Variants in TMEM178B observed in about 807,000 individuals in gnomAD.
TMEM178B encodes transmembrane protein 178B.
In TMEM178B, 5 loss-of-function variants were observed where a neutral mutation model predicts 31.0. That is an observed-to-expected ratio of 0.16 (90% CI 0.08 to 0.34). TMEM178B has a LOEUF of 0.34. Ranked by LOEUF, TMEM178B falls within the 10% of genes least tolerant of loss-of-function variation. The probability of loss-of-function intolerance (pLI) is 1.00; values close to 1 mark genes in which losing one functional copy is unlikely to be tolerated. For synonymous variants in TMEM178B, 164 were observed against 164.0 expected (o/e 1.00, Z 0.00); for missense variants, 275 against 400.3 (o/e 0.69, Z 2.67).
chr7:141,137,428 G>T lies in TMEM178B; in HGVS notation c.382+62736G>T, dbSNP rs59390691. 2.8e-3 allele frequency among the ~76,000 whole-genome samples: 427 copies of T among 152,258 alleles called. 3 individuals are homozygous for T. The highest frequency in any genetic ancestry group is 9.4e-3 in the African/African-American group (392 of 41,578). On this transcript the variant is annotated intron_variant, in intron 1 of 3. Transcript: ENST00000565468. ...CATTTTCAGCAATGTGGATGGAACCGAAGGTCATTATGTTAAGCAAAATAA... is the reference window on the plus strand; with the variant it reads ...CATTTTCAGCAATGTGGATGGAACCTAAGGTCATTATGTTAAGCAAAATAA...
intron 3 of TMEM178B, among the ~76,000 whole-genome samples, chr7:141,463,414 T>C (rs114909265): frequency 0.054 from 8,189 of 152,324 alleles, 722 homozygotes; most frequent in African/African-American, 0.18. Flanking sequence ...CCCTTGCAGA[T>C]GGACAAAGCC....
At chr7:141,229,956 G>A (rs1410448696) in intron 2 of TMEM178B, among the ~76,000 whole-genome samples, 4 of 152,044 alleles carry the variant, frequency 2.6e-5, no homozygotes, top group Non-Finnish European at 5.9e-5. Context: ...TCTTTTCATG[G>A]CATAAATTAT....
At chr7:141,383,749 G>T (rs1800374299) in intron 2 of TMEM178B, among the ~76,000 whole-genome samples, 1 of 152,080 alleles carries the variant, frequency 6.6e-6, no homozygotes, top group Non-Finnish European at 1.5e-5. Flanking sequence ...TGAGATGGTG[G>T]GTCAAATGGT....
intron 1 of TMEM178B, among the ~76,000 whole-genome samples, chr7:141,201,156 C>T (rs371511728): frequency 7.9e-5 from 12 of 152,188 alleles, no homozygotes; most frequent in African/African-American, 2.2e-4. Flanking sequence ...GAAACCACGT[C>T]GGCGCCATCC....
intron 1 of TMEM178B, among the ~76,000 whole-genome samples, chr7:141,193,600 A>T (rs1231297126): frequency 6.6e-6 from 1 of 152,210 alleles, no homozygotes; most frequent in Non-Finnish European, 1.5e-5. Flanking sequence ...CACAGTGTGC[A>T]GGGAGGCCTA....
intron 2 of TMEM178B, among the ~76,000 whole-genome samples, chr7:141,265,344 T>C (rs931490406): frequency 1.3e-5 from 2 of 152,084 alleles, no homozygotes; most frequent in Non-Finnish European, 2.9e-5. Flanking sequence ...GTTTCATGGC[T>C]TCAGGACTGT....
At position 141,268,533 on chromosome 7, in the gene TMEM178B, A is replaced by G. The variant is rs56909842; in HGVS notation, c.496+55829A>G. Among the ~76,000 whole-genome samples, 259 of 152,386 alleles carry G rather than the reference A, an allele frequency of 1.7e-3. 1 individual carries two copies. The highest frequency in any genetic ancestry group is 6.8e-3 in the Middle Eastern group (2 of 294). On this transcript the variant is annotated intron_variant, in intron 2 of 3. Transcript: ENST00000565468. Reference sequence around the variant, plus strand: ...AGAAACAGTATCCAACACTATAGACATCTGAACTGGTTCAGCTTATACAAT... The same window carrying G: ...AGAAACAGTATCCAACACTATAGACGTCTGAACTGGTTCAGCTTATACAAT...
chr7:141,154,288 C>G (rs1239959832), intron 1 of TMEM178B, among the ~76,000 whole-genome samples: 1 of 152,228 alleles, frequency 6.6e-6, no homozygotes, highest in East Asian at 1.9e-4. Context: ...AGAGATCAGA[C>G]AGTAAAATTG....
chr7:141,180,283 T>C (rs112507557), intron 1 of TMEM178B, among the ~76,000 whole-genome samples: 137 of 152,006 alleles, frequency 9.0e-4, no homozygotes, highest in African/African-American at 3.1e-3. Context: ...GAGACCAGCC[T>C]GGTCAACATG....
the TMEM178B span, among the ~76,000 whole-genome samples, chr7:141,490,704 GA>G: frequency 6.6e-6 from 1 of 152,234 alleles, no homozygotes; most frequent in Non-Finnish European, 1.5e-5. Flanking sequence ...TCATTTCAAA[GA>G]AGCTTTCCCT....
At chr7:141,172,700 G>C (rs181406430) in intron 1 of TMEM178B, among the ~76,000 whole-genome samples, 3 of 152,300 alleles carry the variant, frequency 2.0e-5, no homozygotes, top group Non-Finnish European at 4.4e-5. Flanking sequence ...ATGATTGCTG[G>C]CCACATTGGC....
chr7:141,482,271 G>A (rs996016010), downstream of TMEM178B, among the ~76,000 whole-genome samples: 2 of 152,176 alleles, frequency 1.3e-5, no homozygotes. Context: ...TACCCAGGGT[G>A]GTTCATAGAG....
chr7:141,308,341 A>G (rs1376843054), intron 2 of TMEM178B, among the ~76,000 whole-genome samples: 1 of 152,180 alleles, frequency 6.6e-6, no homozygotes, highest in Non-Finnish European at 1.5e-5. Context: ...AAACATTGGA[A>G]ATGTGTTGTA....
intron 2 of TMEM178B, among the ~76,000 whole-genome samples, chr7:141,225,668 C>T (rs1233788245): frequency 6.6e-6 from 1 of 152,194 alleles, no homozygotes; most frequent in African/African-American, 2.4e-5. Context: ...TCTGAATGGG[C>T]TTGCCATCTC....
intron 2 of TMEM178B, among the ~76,000 whole-genome samples, chr7:141,335,214 A>G (rs1288550195): frequency 1.3e-5 from 2 of 152,130 alleles, no homozygotes; most frequent in Non-Finnish European, 2.9e-5. Flanking sequence ...AACAAGCAGC[A>G]CTGTTAGGAG....
chr7:141,471,372 T>C lies in TMEM178B; in HGVS notation c.*586T>C, dbSNP rs574489667. 1 of 152,250 alleles carries C rather than the reference T, an allele frequency of 6.6e-6. No individual in the cohort carries two copies. Among genetic ancestry groups the C allele is most frequent in the East Asian group, 1.9e-4 (1 of 5,174 alleles). 9.4% of individuals were successfully genotyped at this position (152,250 alleles called of 1,614,324 possible). A position where few individuals can be genotyped will look rare whatever the true frequency, so the allele number is the denominator to read the frequency against. On this transcript the variant is annotated 3_prime_UTR_variant, in exon 4 of 4. Coordinates refer to ENST00000565468, the MANE Select transcript of TMEM178B (RefSeq NM_001195278.2). The surrounding 1 kb of genome is among the most constrained non-coding windows in gnomAD (Gnocchi z 4.1). Reference sequence around the variant, plus strand: ...TGCCAAACTTTTGGACCATGTTTCATAGGTGGGAAGGGAAGAGAACATGCT... The same window carrying C: ...TGCCAAACTTTTGGACCATGTTTCACAGGTGGGAAGGGAAGAGAACATGCT...
At chr7:141,165,970 C>G (rs1796254089) in intron 1 of TMEM178B, among the ~76,000 whole-genome samples, 2 of 152,240 alleles carry the variant, frequency 1.3e-5, no homozygotes, top group Non-Finnish European at 1.5e-5. Context: ...GTTACATGGC[C>G]CCACTTAGCT....
In TMEM178B at chr7:141,438,696, T is replaced by TAAAAAAAAAAAAAAAAAAAAAAAAAA. The variant is rs869132131; in HGVS notation, c.634+956_634+981dup. Among the ~76,000 whole-genome samples, 2 of 29,004 alleles carry TAAAAAAAAAAAAAAAAAAAAAAAAAA rather than the reference T, an allele frequency of 6.9e-5. 1 individual carries two copies. Among genetic ancestry groups the TAAAAAAAAAAAAAAAAAAAAAAAAAA allele is most frequent in the Non-Finnish European group, 1.6e-4 (2 of 12,764 alleles). The allele number at this position is 29,004 out of a possible 152,430, so 19.0% of individuals were successfully genotyped here. ...CAGCTTGGTAAAACCCCGTCTCTACTAAAAAAAAAAAAAAAAAAAAAAAAA... is the reference window on the plus strand; with the variant it reads ...CAGCTTGGTAAAACCCCGTCTCTACTAAAAAAAAAAAAAAAAAAAAAAAAAAAAAAAAAAAAAAAAAAAAAAAAAAA... On this transcript the variant is annotated intron_variant, in intron 3 of 3. Coordinates refer to ENST00000565468, the MANE Select transcript of TMEM178B (RefSeq NM_001195278.2).
chr7:141,279,385 G>C (rs1439260580), intron 2 of TMEM178B, among the ~76,000 whole-genome samples: 2 of 152,206 alleles, frequency 1.3e-5, no homozygotes, highest in Admixed American at 6.5e-5. Context: ...TTTTAAAACA[G>C]TGTTACTTTT....
Sources: gnomAD v4.1 joint callset for allele counts (sites outside exome capture counted in the v4.1 genomes callset) on GRCh38, gnomAD v4.1.1 for gene constraint, Gnocchi (gnomAD v3.1) non-coding constraint, MANE v1.5 for transcripts, NCBI Gene and HGNC (gene_info 2026-07-23, HGNC 2026-07-21) for gene names.